Variants in PLPP4 observed in about 807,000 individuals in gnomAD.
PLPP4 encodes the protein phospholipid phosphatase 4, also known as diacylglycerol pyrophosphate like 2.
In PLPP4, 20 loss-of-function variants were observed where a neutral mutation model predicts 32.2. That is an observed-to-expected ratio of 0.62 (90% CI 0.44 to 0.90). PLPP4 has a LOEUF of 0.90. Ranked by LOEUF, PLPP4 falls within the 40% of genes least tolerant of loss-of-function variation. The pLI, the probability that PLPP4 is intolerant of heterozygous loss-of-function variation, is 0.00. For missense variants in PLPP4, 257 were observed against 353.1 expected (o/e 0.73, Z 2.18); for synonymous variants, 127 against 133.0 (o/e 0.95, Z 0.31).
chr10:120,580,115 C>CAAAA (rs10609637), intron 6 of PLPP4, among the ~76,000 whole-genome samples: 6 of 91,556 alleles, frequency 6.6e-5, no homozygotes, highest in Non-Finnish European at 8.8e-5. Flanking sequence ...GCGAGACTCT[C>CAAAA]AAAAAAAAAA....
At chr10:120,500,339 T>TG (rs1366431980) in intron 1 of PLPP4, among the ~76,000 whole-genome samples, 1 of 151,848 alleles carries the variant, frequency 6.6e-6, no homozygotes, top group African/African-American at 2.4e-5. Flanking sequence ...TCTCACAGAG[T>TG]GGGGGTGTGT....
At position 120,481,670 on chromosome 10, in the gene PLPP4, C is replaced by T. The variant is rs140917783; in HGVS notation, c.57-22148C>T. On this transcript the variant is annotated intron_variant, in intron 1 of 6. Transcript: ENST00000398250. ...AGTGGAGCAGACAAGGAAACAAAGA[C>T]CATGATCAAAGTTTTATGGCCAGTA... Among the ~76,000 whole-genome samples the T allele has an allele frequency of 3.5e-3, 527 of 152,218 alleles. 3 individuals are homozygous for T. The highest frequency in any genetic ancestry group is 0.012 in the African/African-American group (497 of 41,544).
chr10:120,571,416 C>T (rs955370098), intron 5 of PLPP4, among the ~76,000 whole-genome samples: 34 of 152,146 alleles, frequency 2.2e-4, no homozygotes, highest in African/African-American at 8.2e-4. Flanking sequence ...GGGGGACAGA[C>T]ACTCACTTGG....
chr10:120,483,468 G>C (rs993559836), intron 1 of PLPP4, among the ~76,000 whole-genome samples: 40 of 152,218 alleles, frequency 2.6e-4, no homozygotes, highest in African/African-American at 9.2e-4. Flanking sequence ...GTTAATGAGT[G>C]TAAAGCACTT....
chr10:120,463,176 G>A lies in PLPP4; in HGVS notation c.56+5815G>A, dbSNP rs972428768. ...CCAGTAGCTGGGACTACAGGTGCCC[G>A]CCACCACGCCTGGCTAATTTTTTGT... is the stretch of plus-strand genomic sequence containing the variant. On this transcript the variant is annotated intron_variant, in intron 1 of 6. Transcript: ENST00000398250. Among the ~76,000 whole-genome samples the A allele has an allele frequency of 7.9e-5, 12 of 151,686 alleles. 1 individual carries two copies. In the South Asian group the frequency reaches 8.3e-4, roughly 11 times the overall value.
intron 1 of PLPP4, among the ~76,000 whole-genome samples, chr10:120,461,210 A>G (rs1848030554): frequency 6.6e-6 from 1 of 152,230 alleles, no homozygotes; most frequent in African/African-American, 2.4e-5. Context: ...TTTTAAGAGT[A>G]CGATGTGGTG....
At chr10:120,498,526 G>T (rs1845076391) in intron 1 of PLPP4, among the ~76,000 whole-genome samples, 1 of 152,108 alleles carries the variant, frequency 6.6e-6, no homozygotes, top group Non-Finnish European at 1.5e-5. Flanking sequence ...TGAAGTTTTA[G>T]GAGTCTTACT....
intron 1 of PLPP4, among the ~76,000 whole-genome samples, chr10:120,489,148 C>T (rs1844593983): frequency 6.6e-6 from 1 of 152,178 alleles, no homozygotes; most frequent in African/African-American, 2.4e-5. Flanking sequence ...AAATCCAATT[C>T]TCAGTGAGTG....
At chr10:120,558,362 A>G (rs943579841) in intron 5 of PLPP4, among the ~76,000 whole-genome samples, 1 of 149,034 alleles carries the variant, frequency 6.7e-6, no homozygotes, top group Non-Finnish European at 1.5e-5. Flanking sequence ...AGATTCTTCT[A>G]TTTATTGATG....
chr10:120,546,431 G>C (rs557583750), intron 5 of PLPP4, among the ~76,000 whole-genome samples: 1 of 152,232 alleles, frequency 6.6e-6, no homozygotes, highest in East Asian at 1.9e-4. Flanking sequence ...CTAGGGATCT[G>C]CATCACTCAG....
chr10:120,540,337 G>T (rs766163934), intron 5 of PLPP4, among the ~76,000 whole-genome samples: 1 of 152,108 alleles, frequency 6.6e-6, no homozygotes, highest in Non-Finnish European at 1.5e-5. Flanking sequence ...AATATCTTTG[G>T]TAAAACTCTC....
intron 2 of PLPP4, among the ~76,000 whole-genome samples, chr10:120,508,135 A>G (rs1845581591): frequency 6.6e-6 from 1 of 152,176 alleles, no homozygotes; most frequent in South Asian, 2.1e-4. Context: ...AGGGTTTTCT[A>G]TTCTGGGATA....
intron 5 of PLPP4, among the ~76,000 whole-genome samples, chr10:120,534,521 C>T (rs944118259): frequency 2.6e-5 from 4 of 151,938 alleles, no homozygotes; most frequent in African/African-American, 7.2e-5. Flanking sequence ...TATTTCTTTG[C>T]GTATTTTTTT....
chr10:120,552,413 A>C (rs1847952737), intron 5 of PLPP4, among the ~76,000 whole-genome samples: 1 of 152,166 alleles, frequency 6.6e-6, no homozygotes, highest in Non-Finnish European at 1.5e-5. Flanking sequence ...TCAGGGTGGT[A>C]TATCATCATC....
chr10:120,582,946 T>C lies in PLPP4; in HGVS notation c.617-6357T>C, dbSNP rs1359756172. On this transcript the variant is annotated intron_variant, in intron 6 of 6. Coordinates refer to ENST00000398250, the MANE Select transcript of PLPP4 (RefSeq NM_001030059.3). The stretch of plus-strand genomic sequence containing the variant: ...ACTGTACCAGGGCTATTTTGCATAC[T>C]TCCTGCTAGGTAAGCTCTTTTGTAG... Among the ~76,000 whole-genome samples, 25 of 151,954 alleles carry C rather than the reference T, an allele frequency of 1.6e-4. 1 individual carries two copies. The highest frequency in any genetic ancestry group is 1.6e-3 in the Admixed American group (25 of 15,240).
chr10:120,548,370 G>C (rs549385661), intron 5 of PLPP4, among the ~76,000 whole-genome samples: 1 of 152,032 alleles, frequency 6.6e-6, no homozygotes, highest in Non-Finnish European at 1.5e-5. Flanking sequence ...TAGGATAAAG[G>C]TCTCCACCTC....
At chr10:120,542,989 T>G (rs1373051697) in intron 5 of PLPP4, among the ~76,000 whole-genome samples, 1 of 152,148 alleles carries the variant, frequency 6.6e-6, no homozygotes, top group Non-Finnish European at 1.5e-5. Context: ...CATGTGCATG[T>G]AGAAGGAGAT....
chr10:120,574,166 ACACTCTCTCTCTCT>A (rs1252620892), intron 5 of PLPP4, among the ~76,000 whole-genome samples: 130 of 47,984 alleles, frequency 2.7e-3, no homozygotes, highest in African/African-American at 7.0e-3. Context: ...ACACACACAC[ACACTCTCTCTCTCT>A]CTCTCTCTCT....
At chr10:120,557,068 G>A (rs1173398518) in intron 5 of PLPP4, among the ~76,000 whole-genome samples, 1 of 152,098 alleles carries the variant, frequency 6.6e-6, no homozygotes, top group Non-Finnish European at 1.5e-5. Context: ...AATTCTCAAG[G>A]AAAATAAATA....
Sources: gnomAD v4.1 joint callset for allele counts (sites outside exome capture counted in the v4.1 genomes callset) on GRCh38, gnomAD v4.1.1 for gene constraint, MANE v1.5 for transcripts, NCBI Gene and HGNC (gene_info 2026-07-23, HGNC 2026-07-21) for gene names.